The following STAM2 variants were observed in gnomAD, a reference collection of about 807,000 sequenced individuals.
STAM2 encodes the protein signal transducing adapter molecule 2.
In STAM2, 51 loss-of-function variants were observed where a neutral mutation model predicts 65.6. That is an observed-to-expected ratio of 0.78 (90% CI 0.62 to 0.98). The LOEUF (loss-of-function observed/expected upper bound fraction) is 0.98, where lower values mean the gene tolerates loss of function less well. STAM2 is among the 50% of genes least tolerant of loss of function. STAM2 has a pLI of 0.00. For missense variants in STAM2, 584 were observed against 617.8 expected (o/e 0.95, Z 0.58); for synonymous variants, 198 against 208.4 (o/e 0.95, Z 0.43).
chr2:152,129,163 A>G (rs2105531967), intron 11 of STAM2, among the ~76,000 whole-genome samples: 1 of 152,180 alleles, frequency 6.6e-6, no homozygotes, highest in East Asian at 1.9e-4. Context: ...TTTTCTTTTG[A>G]GAGCAGATCT....
chr2:152,173,317 T>C (rs951180676), intron 1 of STAM2, among the ~76,000 whole-genome samples: 3 of 149,870 alleles, frequency 2.0e-5, no homozygotes, highest in Non-Finnish European at 1.5e-5. Flanking sequence ...AGTCAAATAA[T>C]GACTTGCTTT....
At chr2:152,143,683 T>G in intron 7 of STAM2, 144 bp downstream of exon 7, 1 of 529,616 alleles carries the variant, frequency 1.9e-6, no homozygotes. Flanking sequence ...TCACATTACA[T>G]GCCTAACTTT....
At chr2:152,168,755 C>T (rs1277761382) in intron 1 of STAM2, among the ~76,000 whole-genome samples, 1 of 152,120 alleles carries the variant, frequency 6.6e-6, no homozygotes, top group Non-Finnish European at 1.5e-5. Context: ...ATGATTTTAA[C>T]CAATCTGTCA....
At chr2:152,154,347 G>A (rs905620968) in intron 1 of STAM2, among the ~76,000 whole-genome samples, 1 of 152,188 alleles carries the variant, frequency 6.6e-6, no homozygotes, top group African/African-American at 2.4e-5. Flanking sequence ...ACTAGGTGAG[G>A]TGGCACACAC....
chr2:152,171,306 C>T (rs751200458), intron 1 of STAM2, among the ~76,000 whole-genome samples: 3 of 151,864 alleles, frequency 2.0e-5, no homozygotes, highest in Non-Finnish European at 4.4e-5. Flanking sequence ...TTCATATTTT[C>T]TATTTTATGC....
At chr2:152,132,682 G>A (rs1226045128) in intron 10 of STAM2, among the ~76,000 whole-genome samples, 1 of 152,054 alleles carries the variant, frequency 6.6e-6, no homozygotes, top group Non-Finnish European at 1.5e-5. Flanking sequence ...TTATTTACCA[G>A]AGATTCTTAT....
intron 1 of STAM2, among the ~76,000 whole-genome samples, chr2:152,172,521 T>A (rs1360485470): frequency 6.6e-6 from 1 of 152,046 alleles, no homozygotes; most frequent in African/African-American, 2.4e-5. Flanking sequence ...AAAATGACCA[T>A]ATCATACATT....
At chr2:152,173,606 A>G (rs1689945523) in intron 1 of STAM2, among the ~76,000 whole-genome samples, 1 of 151,930 alleles carries the variant, frequency 6.6e-6, no homozygotes, top group South Asian at 2.1e-4. Flanking sequence ...CATGTTGGTC[A>G]GGCTGGTCTC....
chr2:152,126,718 C>G (rs1469882090), intron 11 of STAM2, among the ~76,000 whole-genome samples: 1 of 151,994 alleles, frequency 6.6e-6, no homozygotes, highest in African/African-American at 2.4e-5. Context: ...GCAAACCCCC[C>G]ACGTTTTCTG....
chr2:152,149,872 A>G (rs1168597136), intron 2 of STAM2, among the ~76,000 whole-genome samples: 1 of 152,216 alleles, frequency 6.6e-6, no homozygotes, highest in Non-Finnish European at 1.5e-5. Context: ...TTGTATATAC[A>G]TAATATACTG....
intron 7 of STAM2, among the ~76,000 whole-genome samples, chr2:152,136,358 G>C (rs891088246): frequency 6.6e-6 from 1 of 151,924 alleles, no homozygotes; most frequent in Admixed American, 6.6e-5. Flanking sequence ...CAGGAGAATC[G>C]CTTGAACCAA....
intron 13 of STAM2, among the ~76,000 whole-genome samples, chr2:152,121,971 C>A (rs1688860640): frequency 6.6e-6 from 1 of 151,548 alleles, no homozygotes; most frequent in African/African-American, 2.4e-5. Context: ...TGGCATGAAC[C>A]CGGGAGGTGG....
At chr2:152,164,123 AC>A (rs1689734130) in intron 1 of STAM2, among the ~76,000 whole-genome samples, 1 of 152,036 alleles carries the variant, frequency 6.6e-6, no homozygotes, top group Admixed American at 6.6e-5. Context: ...TTACGGACCT[AC>A]GGCCCGTAAT....
chr2:152,122,511 C>A (rs1051418314), intron 13 of STAM2, among the ~76,000 whole-genome samples: 1 of 152,022 alleles, frequency 6.6e-6, no homozygotes, highest in Non-Finnish European at 1.5e-5. Context: ...AAAACTACAC[C>A]AGTTTTTTCT....
intron 1 of STAM2, among the ~76,000 whole-genome samples, chr2:152,164,965 C>T (rs762933325): frequency 2.6e-5 from 4 of 152,176 alleles, no homozygotes; most frequent in Non-Finnish European, 4.4e-5. Context: ...CCTCTGTAAT[C>T]CTGTTAGGTG....
intron 12 of STAM2, among the ~76,000 whole-genome samples, chr2:152,125,547 G>C (rs914608509): frequency 3.9e-5 from 6 of 152,150 alleles, no homozygotes; most frequent in South Asian, 2.1e-4. Flanking sequence ...ACTGACAAAT[G>C]TAAGTATTCG....
chr2:152,133,106 C>T, intron 10 of STAM2, 67 bp downstream of exon 10: 1 of 792,676 alleles, frequency 1.3e-6, no homozygotes, highest in Non-Finnish European at 1.7e-6. Context: ...GCAGAAGAAA[C>T]TGAAGACATC....
intron 11 of STAM2, among the ~76,000 whole-genome samples, chr2:152,129,426 T>C (rs1408640182): frequency 6.6e-6 from 1 of 152,254 alleles, no homozygotes; most frequent in Non-Finnish European, 1.5e-5. Flanking sequence ...GCTGGGATTA[T>C]AGGTGTGAGC....
intron 5 of STAM2, among the ~76,000 whole-genome samples, chr2:152,145,985 T>A (rs755800414): frequency 3.3e-5 from 5 of 152,280 alleles, no homozygotes; most frequent in Admixed American, 6.5e-5. Flanking sequence ...AAGAATCTTT[T>A]TTCGGCCAGC....
Sources: gnomAD v4.1 joint callset for allele counts (sites outside exome capture counted in the v4.1 genomes callset) on GRCh38, gnomAD v4.1.1 for gene constraint, MANE v1.5 for transcripts, NCBI Gene and HGNC (gene_info 2026-07-23, HGNC 2026-07-21) for gene names.